The following TMEM232 variants were observed in gnomAD, a reference collection of about 807,000 sequenced individuals.
TMEM232 encodes transmembrane protein 232.
TMEM232 carries 80 observed loss-of-function variants against 78.8 expected under a neutral mutation model. The observed-to-expected ratio is 1.01, with a 90% CI of 0.85 to 1.22. The LOEUF (loss-of-function observed/expected upper bound fraction) is 1.22, where lower values mean the gene tolerates loss of function less well. Ranked by LOEUF, TMEM232 falls within the 50% of genes most tolerant of loss-of-function variation. TMEM232 has a pLI of 0.00. For synonymous variants in TMEM232, 297 were observed against 254.3 expected, an observed-to-expected ratio of 1.17 and a Z score of -1.60; for missense variants, 881 against 742.2, an observed-to-expected ratio of 1.19 and a Z score of -2.17.
intron 1 of TMEM232, among the ~76,000 whole-genome samples, chr5:110,674,856 C>T (rs950766013): frequency 2.7e-4 from 41 of 152,214 alleles, no homozygotes; most frequent in African/African-American, 5.3e-4. Context: ...ACTTTAGAAA[C>T]GCACAGACAC....
In TMEM232 at chr5:110,642,325, TTTGA is replaced by T. The variant is rs761141999; in HGVS notation, c.168_171del (p.Asn56LysfsTer14). The T allele has an allele frequency of 6.5e-7, 1 of 1,539,056 alleles. No homozygotes were observed. The highest frequency in any genetic ancestry group is 1.2e-5 in the South Asian group (1 of 81,004). On this transcript the variant is annotated frameshift_variant, in exon 3 of 14. Transcript: ENST00000455884. LOFTEE classifies it high-confidence loss of function. ...TCTTCCTTCTCTTTGGAATTTTGTG[TTTGA>T]TTGAATCTCAAGATGAATTCTTTTG...
At chr5:110,418,923 A>T (rs1756393330), downstream of TMEM232, among the ~76,000 whole-genome samples, 1 of 152,184 alleles carries the variant, frequency 6.6e-6, no homozygotes. Flanking sequence ...TAGTTGTTAT[A>T]TCTTGCTACA....
intron 1 of TMEM232, among the ~76,000 whole-genome samples, chr5:110,694,567 G>T (rs559135950): frequency 6.6e-6 from 1 of 152,044 alleles, no homozygotes; most frequent in South Asian, 2.1e-4. Context: ...CCCATCTCAC[G>T]TGCAGAGATA....
At chr5:110,404,019 G>T (rs1755699917) in intron 2 of TMEM232, among the ~76,000 whole-genome samples, 2 of 151,810 alleles carry the variant, frequency 1.3e-5, no homozygotes, top group South Asian at 2.1e-4. Flanking sequence ...TTCTTAACTT[G>T]CCCCTTTACC....
In TMEM232 at chr5:110,401,283, C is replaced by CT. The variant is rs1278936876; in HGVS notation, n.309-3430dup. Among the ~76,000 whole-genome samples the CT allele has an allele frequency of 4.9e-3, 711 of 143,942 alleles. 11 individuals carry two copies. The highest frequency in any genetic ancestry group is 0.015 in the African/African-American group (581 of 38,508). 94.4% of individuals were successfully genotyped at this position (143,942 alleles called of 152,430 possible). On this transcript the variant is annotated intron_variant and non_coding_transcript_variant, in intron 2 of 8. Transcript: ENST00000507188. ...GGCAACTTGACACAGACACAACATT[C>CT]TTTTTTTTTTTGGAGCACTTAAGAT...
At chr5:110,694,713 A>G (rs1794556013) in intron 1 of TMEM232, among the ~76,000 whole-genome samples, 1 of 152,046 alleles carries the variant, frequency 6.6e-6, no homozygotes, top group South Asian at 2.1e-4. Flanking sequence ...AAAGAAGGCC[A>G]TTACATAATG....
intron 2 of TMEM232, among the ~76,000 whole-genome samples, chr5:110,404,569 C>T (rs1290118050): frequency 1.3e-5 from 2 of 151,932 alleles, no homozygotes; most frequent in Admixed American, 6.6e-5. Flanking sequence ...AATATAAAAC[C>T]ATGAATAGAA....
At chr5:110,552,734 T>C (rs1377494456) in intron 11 of TMEM232, among the ~76,000 whole-genome samples, 1 of 151,880 alleles carries the variant, frequency 6.6e-6, no homozygotes, top group Non-Finnish European at 1.5e-5. Context: ...TTCATACACT[T>C]AATGTATATC....
At chr5:110,662,903 T>C (rs1428207559) in intron 2 of TMEM232, among the ~76,000 whole-genome samples, 4 of 152,094 alleles carry the variant, frequency 2.6e-5, no homozygotes, top group East Asian at 3.8e-4. Context: ...CTACACGATC[T>C]TGTGGTTGGG....
chr5:110,559,365 G>A lies in TMEM232; in HGVS notation c.1455+9082C>T, dbSNP rs1157435638. On this transcript the variant is annotated intron_variant, in intron 11 of 13. Coordinates refer to ENST00000455884, the MANE Select transcript of TMEM232 (RefSeq NM_001039763.4). ...AAATGAATGGCGTTACAATTTTAAA[G>A]CTCTATTCATGAAATTAAATTATTA... Among the ~76,000 whole-genome samples the A allele has an allele frequency of 3.3e-5, 5 of 151,936 alleles. No homozygotes were observed. In the East Asian group the frequency reaches 7.7e-4, roughly 23 times the overall value.
intron 12 of TMEM232, among the ~76,000 whole-genome samples, chr5:110,527,442 A>C (rs1317257292): frequency 6.6e-6 from 1 of 151,966 alleles, no homozygotes; most frequent in Non-Finnish European, 1.5e-5. Context: ...ATACATAAGA[A>C]AGTATATATT....
At chr5:110,533,668 C>T (rs936507363) in intron 11 of TMEM232, among the ~76,000 whole-genome samples, 2 of 152,188 alleles carry the variant, frequency 1.3e-5, no homozygotes, top group African/African-American at 2.4e-5. Flanking sequence ...TACCATTGTT[C>T]CTGGCCCGGA....
intron 12 of TMEM232, among the ~76,000 whole-genome samples, chr5:110,524,411 G>GAAAGAAAGAAAAGA (rs1554098914): frequency 6.5e-4 from 40 of 61,432 alleles, no homozygotes; most frequent in Admixed American, 3.8e-3. Context: ...AAGAAAGAAA[G>GAAAGAAAGAAAAGA]AAAGAAAAGA....
Position 110,391,291 on chromosome 5 carries a change from A to ATATG in TMEM232, n.391-652_391-651insCATA, listed in dbSNP as rs1554071701. Among the ~76,000 whole-genome samples the ATATG allele has an allele frequency of 6.6e-3, 864 of 130,664 alleles. 5 individuals are homozygous for ATATG. The highest frequency in any genetic ancestry group is 0.01 in the Non-Finnish European group (641 of 63,244). The allele number at this position is 130,664 out of a possible 152,430, so 85.7% of individuals were successfully genotyped here. A position where few individuals can be genotyped will look rare whatever the true frequency, so the allele number is the denominator to read the frequency against. On this transcript the variant is annotated intron_variant and non_coding_transcript_variant, in intron 3 of 8. Transcript: ENST00000507188. ...AAAGAAGTCTGAGGCTCCCGTTTGA[A>ATATG]TGTGTGTGTGTGTGTGTGTGTGTGT...
At chr5:110,555,581 T>G (rs1774978703) in intron 11 of TMEM232, among the ~76,000 whole-genome samples, 1 of 152,100 alleles carries the variant, frequency 6.6e-6, no homozygotes, top group African/African-American at 2.4e-5. Flanking sequence ...CTTGATGATC[T>G]CTCTGTCAGT....
At chr5:110,394,963 T>C (rs1428854371) in intron 3 of TMEM232, among the ~76,000 whole-genome samples, 1 of 152,122 alleles carries the variant, frequency 6.6e-6, no homozygotes, top group Non-Finnish European at 1.5e-5. Flanking sequence ...TGGGGGTAGT[T>C]TGGGGCATTC....
At chr5:110,701,784 C>G (rs1795462107) in intron 1 of TMEM232, among the ~76,000 whole-genome samples, 1 of 151,968 alleles carries the variant, frequency 6.6e-6, no homozygotes, top group Non-Finnish European at 1.5e-5. Context: ...AAATTCCATT[C>G]TACTTAAGTA....
At chr5:110,707,154 T>C (rs1042208636) in intron 1 of TMEM232, among the ~76,000 whole-genome samples, 3 of 152,126 alleles carry the variant, frequency 2.0e-5, no homozygotes, top group African/African-American at 4.8e-5. Context: ...AATTTTAACA[T>C]GTGCACACAG....
chr5:110,586,023 C>T (rs905033744), intron 10 of TMEM232, among the ~76,000 whole-genome samples: 1 of 152,090 alleles, frequency 6.6e-6, no homozygotes, highest in Non-Finnish European at 1.5e-5. Flanking sequence ...CAACTTGTGG[C>T]ATACAGCTTA....
Sources: gnomAD v4.1 joint callset for allele counts (sites outside exome capture counted in the v4.1 genomes callset) on GRCh38, gnomAD v4.1.1 for gene constraint, MANE v1.5 for transcripts, NCBI Gene and HGNC (gene_info 2026-07-23, HGNC 2026-07-21) for gene names.